DRAXIN: variants seen among roughly 807,000 people sequenced by gnomAD.
The protein encoded by DRAXIN is dorsal repulsive axon guidance protein.
A neutral mutation model predicts 33.9 loss-of-function variants in DRAXIN; 27 were observed. The ratio of observed to expected loss-of-function variants is 0.80; its 90% CI spans 0.59 to 1.10. DRAXIN has a LOEUF of 1.10. Among genes scored for constraint, DRAXIN ranks in the 50% least tolerant of loss-of-function variants. DRAXIN has a pLI of 0.00. For missense variants in DRAXIN, 371 were observed against 460.8 expected, an observed-to-expected ratio of 0.81 and a Z score of 1.78; for synonymous variants, 178 against 194.0, an observed-to-expected ratio of 0.92 and a Z score of 0.69.
chr1:11,702,428 C>T (rs1641307186), intron 1 of DRAXIN, among the ~76,000 whole-genome samples: 1 of 148,468 alleles, frequency 6.7e-6, no homozygotes, highest in Admixed American at 6.7e-5. Context: ...TTCACACACA[C>T]ATGCTAACAC....
chr1:11,701,776 G>A (rs1641277525), intron 1 of DRAXIN, among the ~76,000 whole-genome samples: 1 of 152,170 alleles, frequency 6.6e-6, no homozygotes, highest in Non-Finnish European at 1.5e-5. Flanking sequence ...CTGCCTGGTT[G>A]CCTGGTGCTT....
At chr1:11,691,040 A>G (rs1385225298), upstream of DRAXIN, among the ~76,000 whole-genome samples, 2 of 152,100 alleles carry the variant, frequency 1.3e-5, no homozygotes, top group Non-Finnish European at 2.9e-5. Context: ...GTGAGCTGGT[A>G]GCACTTTGAA....
chr1:11,709,126 G>T (rs1419531950), intron 2 of DRAXIN, 149 bp from the exon 3 acceptor site: 1 of 779,332 alleles, frequency 1.3e-6, no homozygotes, highest in Non-Finnish European at 1.9e-6. Context: ...TCCCAAGAAG[G>T]GTAGGAAGCA....
chr1:11,695,589 G>A (rs1446171440), intron 1 of DRAXIN, among the ~76,000 whole-genome samples: 1 of 127,568 alleles, frequency 7.8e-6, no homozygotes, highest in Non-Finnish European at 1.6e-5. Context: ...GCAACAGAGT[G>A]AGATTCTGTC....
chr1:11,708,201 C>T (rs1296061904), intron 2 of DRAXIN, among the ~76,000 whole-genome samples: 1 of 152,226 alleles, frequency 6.6e-6, no homozygotes, highest in African/African-American at 2.4e-5. Flanking sequence ...TGGGCTCCGG[C>T]TCCGCCAGCT....
intron 1 of DRAXIN, among the ~76,000 whole-genome samples, chr1:11,702,302 C>T (rs1275549726): frequency 7.1e-6 from 1 of 141,512 alleles, no homozygotes; most frequent in Admixed American, 7.0e-5. Context: ...CACATGCTCA[C>T]AGCACACACA....
At chr1:11,695,809 AG>A (rs1468986201) in intron 1 of DRAXIN, among the ~76,000 whole-genome samples, 1 of 151,990 alleles carries the variant, frequency 6.6e-6, no homozygotes, top group Non-Finnish European at 1.5e-5. Flanking sequence ...GAGGAGGAAG[AG>A]GGGCCACAAG....
intron 6 of DRAXIN, 23 bp downstream of exon 6, chr1:11,715,231 G>A (rs1641558138): frequency 6.2e-7 from 1 of 1,614,066 alleles, no homozygotes; most frequent in Non-Finnish European, 8.5e-7. Context: ...TCCTTTGCGG[G>A]GGGCTACCCA....
intron 1 of DRAXIN, among the ~76,000 whole-genome samples, chr1:11,701,098 G>T (rs1034603106): frequency 6.6e-6 from 1 of 152,196 alleles, no homozygotes; most frequent in Non-Finnish European, 1.5e-5. Context: ...CAAGATGGGG[G>T]CTTGAGATAA....
In DRAXIN at chr1:11,724,356, C is replaced by T. The variant is rs1235121928; in HGVS notation, c.*4660C>T. 6.6e-6 allele frequency: 1 copy of T among 152,314 alleles called. No homozygotes were observed. Among genetic ancestry groups the T allele is most frequent in the Non-Finnish European group, 1.5e-5 (1 of 68,096 alleles). The allele number at this position is 152,314 out of a possible 1,614,324, so 9.4% of individuals were successfully genotyped here. ...TCCTGCACTCCTCCAGCTGGAGTCT[C>T]ACCGCGGATCCCAGGAATACCTGCT... On this transcript the variant is annotated 3_prime_UTR_variant, in exon 7 of 7. Transcript: ENST00000294485.
At position 11,722,640 on chromosome 1, in the gene DRAXIN, G is replaced by A. The variant is rs187553283; in HGVS notation, c.*2944G>A. 864 of 153,378 alleles carry A rather than the reference G, an allele frequency of 5.6e-3. 14 individuals carry two copies. The highest frequency in any genetic ancestry group is 0.033 in the Middle Eastern group (43 of 1,298). 9.5% of individuals were successfully genotyped at this position (153,378 alleles called of 1,614,324 possible). On this transcript the variant is annotated 3_prime_UTR_variant, in exon 7 of 7. Transcript: ENST00000294485. ...GGGTTTAGCAAACTTTTACTGTGAG[G>A]AGCCAAATAAACATTTTAGGATTTG...
intron 6 of DRAXIN, among the ~76,000 whole-genome samples, chr1:11,718,157 A>T (rs1232785089): frequency 6.6e-6 from 1 of 150,746 alleles, no homozygotes; most frequent in East Asian, 2.0e-4. Context: ...AAAAAAAAAA[A>T]AATACAAAAT....
At chr1:11,691,519 G>A (rs1452020121), upstream of DRAXIN, 5 of 151,700 alleles carry the variant, frequency 3.3e-5, no homozygotes, top group African/African-American at 1.2e-4. Context: ...GCGGCGCCTA[G>A]GCCTCTGGGG....
intron 1 of DRAXIN, among the ~76,000 whole-genome samples, chr1:11,693,743 C>T (rs1395178336): frequency 3.9e-5 from 6 of 152,202 alleles, no homozygotes; most frequent in Admixed American, 2.6e-4. Flanking sequence ...TGCAGCAAAG[C>T]CAGCTCAGAG....
chr1:11,706,805 G>A lies in DRAXIN; in HGVS notation c.451+96G>A, dbSNP rs554649401. ...TGCAGGCAAGGGTCAGGGGCATGAG[G>A]TCCAGAGGAGAGGAGGGGTCTCACT... On this transcript the variant is annotated intron_variant, in intron 2 of 6. Transcript: ENST00000294485. This position sits in a 1 kb window ranked among gnomAD's most constrained non-coding sequence, Gnocchi z 5.5. The A allele has an allele frequency of 9.7e-6, 13 of 1,342,424 alleles. No individual in the cohort carries two copies. The South Asian group carries it at 1.6e-4, about 17-fold the overall frequency. 83.2% of individuals were successfully genotyped at this position (1,342,424 alleles called of 1,614,324 possible). A position where few individuals can be genotyped will look rare whatever the true frequency, so the allele number is the denominator to read the frequency against.
At chr1:11,701,282 C>T (rs908667736) in intron 1 of DRAXIN, among the ~76,000 whole-genome samples, 9 of 152,206 alleles carry the variant, frequency 5.9e-5, no homozygotes, top group African/African-American at 2.2e-4. Context: ...CACCGGGTGC[C>T]AGGAGAACCC....
chr1:11,703,295 C>T (rs1641327094), intron 1 of DRAXIN, among the ~76,000 whole-genome samples: 1 of 152,164 alleles, frequency 6.6e-6, no homozygotes, highest in Non-Finnish European at 1.5e-5. Flanking sequence ...GGGGACTGAA[C>T]AAGGCTTCCT....
At chr1:11,688,462 G>A (rs571494078), upstream of DRAXIN, among the ~76,000 whole-genome samples, 1 of 152,258 alleles carries the variant, frequency 6.6e-6, no homozygotes, top group South Asian at 2.1e-4. This position sits in a 1 kb window ranked among gnomAD's most constrained non-coding sequence, Gnocchi z 4.6. Context: ...TCAGGAAGCT[G>A]AGGCAGGCGA....
intron 5 of DRAXIN, among the ~76,000 whole-genome samples, chr1:11,714,767 G>A (rs139948466): frequency 0.011 from 1,658 of 152,346 alleles, 7 homozygotes; most frequent in Non-Finnish European, 0.018. Context: ...AGAGGACATT[G>A]GTTTTGGGGA....
Sources: allele counts gnomAD v4.1 joint callset (sites outside exome capture counted in the v4.1 genomes callset), GRCh38; gene constraint gnomAD v4.1.1; non-coding constraint Gnocchi (gnomAD v3.1); transcripts MANE v1.5; gene names NCBI Gene and HGNC (gene_info 2026-07-23, HGNC 2026-07-21).